GGA1: variants seen among roughly 807,000 people sequenced by gnomAD.
The protein encoded by GGA1 is ADP-ribosylation factor-binding protein GGA1.
In GGA1, 18 loss-of-function variants were observed where a neutral mutation model predicts 76.9. The ratio of observed to expected loss-of-function variants is 0.23; its 90% CI spans 0.16 to 0.35. The LOEUF (loss-of-function observed/expected upper bound fraction) is 0.35. Among genes scored for constraint, GGA1 ranks in the 10% least tolerant of loss-of-function variants. The pLI, the probability that GGA1 is intolerant of heterozygous loss-of-function variation, is 1.00. For missense variants in GGA1, 755 were observed against 859.0 expected, an observed-to-expected ratio of 0.88 and a Z score of 1.51; for synonymous variants, 342 against 354.7, an observed-to-expected ratio of 0.96 and a Z score of 0.40.
intron 1 of GGA1, chr22:37,612,841 T>G (rs1445877970): frequency 2.5e-6 from 2 of 789,722 alleles, no homozygotes; most frequent in African/African-American, 1.9e-5. Flanking sequence ...CAGGGAAGCA[T>G]GTAAGCTAGA....
chr22:37,619,589 G>A (rs1251017154), intron 4 of GGA1, among the ~76,000 whole-genome samples: 1 of 152,004 alleles, frequency 6.6e-6, no homozygotes, highest in Non-Finnish European at 1.5e-5. Context: ...TATTGGTCAG[G>A]CTGGTCTTGA....
At position 37,625,059 on chromosome 22, in the gene GGA1, C is replaced by A; in HGVS notation, c.923C>A (p.Thr308Lys). 1 of 1,595,754 alleles carries A rather than the reference C, an allele frequency of 6.3e-7. No homozygotes were observed. Among genetic ancestry groups the A allele is most frequent in the Non-Finnish European group, 8.5e-7 (1 of 1,171,752 alleles). The change falls in exon 10 of 17, where the codon ACA (threonine) becomes AAA (lysine). Residue 308 changes from threonine (T) to lysine (K), a missense_variant. Coordinates refer to ENST00000343632, the MANE Select transcript of GGA1 (RefSeq NM_013365.5). The surrounding 1 kb of genome is among the most constrained non-coding windows in gnomAD (Gnocchi z 4.1). ...GGTGAGGAGGTCAACGGTGATGCCA[C>A]AGCCGGCTCCATCCCTGGTGAGGAG... Reference protein sequence around the residue: ...VRGEEVNGDATAGSIPGSTSA... With the variant: ...VRGEEVNGDAKAGSIPGSTSA...
intron 2 of GGA1, among the ~76,000 whole-genome samples, chr22:37,615,197 G>A (rs935760231): frequency 9.2e-5 from 14 of 152,302 alleles, no homozygotes; most frequent in African/African-American, 3.1e-4. Flanking sequence ...TGTAATCCCA[G>A]CACTTTGGGA....
rs769028814 is a variant in GGA1 at position 37,620,349 on chromosome 22, C to G, written c.415C>G (p.Leu139Val). The change falls in exon 5 of 17, where the codon CTA becomes GTA. Residue 139 changes from leucine (L) to valine (V), a missense_variant. Physicochemically the swap from Leu to Val is conservative, Grantham distance 32. Transcript: ENST00000343632. ...EVKIAEAYQMLKKQGIVKSDP... is the reference protein window; with the variant it reads ...EVKIAEAYQMVKKQGIVKSDP... Reference sequence around the variant, plus strand: ...GAAAATCGCAGAGGCCTACCAGATGCTAAAGAAGCAGGGTGAGGCACACAG... The same window carrying G: ...GAAAATCGCAGAGGCCTACCAGATGGTAAAGAAGCAGGGTGAGGCACACAG... The G allele has an allele frequency of 1.2e-6, 2 of 1,613,990 alleles. No homozygotes were observed. The highest frequency in any genetic ancestry group is 1.6e-4 in the Middle Eastern group (1 of 6,062).
At chr22:37,631,971 A>G (rs987515092) in intron 14 of GGA1, 25 bp from the exon 15 acceptor site, 1 of 1,586,138 alleles carries the variant, frequency 6.3e-7, no homozygotes, top group African/African-American at 1.3e-5. Context: ...CAGCTGTCCC[A>G]TCGCCCTCCC....
chr22:37,616,266 A>C (rs1382425048), intron 2 of GGA1, among the ~76,000 whole-genome samples: 1 of 152,136 alleles, frequency 6.6e-6, no homozygotes, highest in Non-Finnish European at 1.5e-5. Context: ...TAGCTGAGTA[A>C]CCTTGGGTGA....
At chr22:37,618,611 C>G in intron 4 of GGA1, 65 bp downstream of exon 4, 1 of 1,012,280 alleles carries the variant, frequency 9.9e-7, no homozygotes, top group Non-Finnish European at 1.6e-6. Context: ...AGAGGACCTT[C>G]AGATTGTGGA....
chr22:37,612,925 T>C, intron 1 of GGA1: 1 of 985,278 alleles, frequency 1.0e-6, no homozygotes, highest in Non-Finnish European at 1.2e-6. Context: ...TGTAGACCTG[T>C]TGGCCCTCTT....
chr22:37,630,827 C>T, intron 13 of GGA1, 76 bp from the exon 14 acceptor site: 6 of 1,067,292 alleles, frequency 5.6e-6, no homozygotes, highest in Non-Finnish European at 8.4e-6. Context: ...CTCAGCCTCC[C>T]AAAGTGTTGG....
At position 37,623,477 on chromosome 22, in the gene GGA1, C is replaced by G; in HGVS notation, c.750+10C>G. ...CGAGGACCTCATGAAGGTGCACCTG[C>G]CTCCCTGCCTACCCCACTCCCTGCC... On this transcript the variant is annotated intron_variant, in intron 8 of 16. Transcript: ENST00000343632. The surrounding 1 kb of genome is among the most constrained non-coding windows in gnomAD (Gnocchi z 4.6). 1 of 1,613,762 alleles carries G rather than the reference C, an allele frequency of 6.2e-7. No homozygotes were observed. The highest frequency in any genetic ancestry group is 1.3e-5 in the African/African-American group (1 of 75,044).
At chr22:37,631,957 A>G (rs1242462458) in intron 14 of GGA1, 39 bp from the exon 15 acceptor site, 2 of 1,560,080 alleles carry the variant, frequency 1.3e-6, no homozygotes, top group Non-Finnish European at 1.7e-6. Context: ...GATGTGCTGC[A>G]GCTCAGCTGT....
Position 37,624,270 on chromosome 22 carries a change from C to G in GGA1, c.832+637C>G, listed in dbSNP as rs1007076570. On this transcript the variant is annotated intron_variant, in intron 9 of 16. Coordinates refer to ENST00000343632, the MANE Select transcript of GGA1 (RefSeq NM_013365.5). This position sits in a 1 kb window ranked among gnomAD's most constrained non-coding sequence, Gnocchi z 4.3. ...CCGAGGGCCTGATTGGTGCCAGGCA[C>G]TGTTCTAGGCCCTCAGGGATCTGGC... 1 of 158,426 alleles carries G rather than the reference C, an allele frequency of 6.3e-6. No individual in the cohort carries two copies. The highest frequency in any genetic ancestry group is 1.4e-5 in the Non-Finnish European group (1 of 71,142). 9.8% of individuals were successfully genotyped at this position (158,426 alleles called of 1,614,324 possible). A position where few individuals can be genotyped will look rare whatever the true frequency, so the allele number is the denominator to read the frequency against.
chr22:37,614,090 C>T, intron 1 of GGA1, 100 bp from the exon 2 acceptor site: 1 of 824,810 alleles, frequency 1.2e-6, no homozygotes, highest in Non-Finnish European at 2.1e-6. Flanking sequence ...TGCTCAGTCA[C>T]ACTCCTCTCC....
chr22:37,617,707 A>G (rs1929073183), intron 3 of GGA1: 17 of 674,622 alleles, frequency 2.5e-5, no homozygotes, highest in Non-Finnish European at 3.1e-5. Flanking sequence ...TCTAAATAAT[A>G]ATCATTATTG....
intron 1 of GGA1, chr22:37,609,187 G>C: frequency 7.2e-7 from 1 of 1,396,018 alleles, no homozygotes; most frequent in South Asian, 1.3e-5. Context: ...GGGACGGAGA[G>C]AGCAGCCTCC....
chr22:37,609,017 G>C (rs1926929659), intron 1 of GGA1, 114 bp downstream of exon 1: 1 of 1,369,504 alleles, frequency 7.3e-7, no homozygotes, highest in South Asian at 1.6e-5. Context: ...CCCCGCCCCC[G>C]GCCCGGGAGG....
At position 37,632,216 on chromosome 22, in the gene GGA1, A is replaced by G; in HGVS notation, c.1698+51A>G. ...GCCTCCCTCCTCTCAAGGCAGGGTG[A>G]CATGGAGCTGGGTGGGGAGCCACCT... On this transcript the variant is annotated intron_variant, in intron 15 of 16. Coordinates refer to ENST00000343632, the MANE Select transcript of GGA1 (RefSeq NM_013365.5). This position sits in a 1 kb window ranked among gnomAD's most constrained non-coding sequence, Gnocchi z 5.1. 6.4e-7 allele frequency: 1 copy of G among 1,559,054 alleles called. No homozygotes were observed. The highest frequency in any genetic ancestry group is 1.3e-5 in the African/African-American group (1 of 74,206).
chr22:37,625,829 C>G lies in GGA1; in HGVS notation c.973C>G (p.Leu325Val). The G allele has an allele frequency of 6.2e-7, 1 of 1,609,732 alleles. No homozygotes were observed. The highest frequency in any genetic ancestry group is 2.2e-5 in the East Asian group (1 of 44,796). The part of the protein sequence containing the change: ...STSALLDLSG[L>V]DLPPAGTTYP... ...CTCGGCCCTGCTGGATCTCTCAGGC[C>G]TGGATCTCCCGCCTGCGGGCACCAC... The change falls in exon 11 of 17, where the codon CTG becomes GTG. Residue 325 changes from leucine (L) to valine (V), a missense_variant. Transcript: ENST00000343632. This position sits in a 1 kb window ranked among gnomAD's most constrained non-coding sequence, Gnocchi z 4.1.
chr22:37,626,234 T>G, intron 11 of GGA1: 1 of 311,204 alleles, frequency 3.2e-6, no homozygotes. Context: ...ACCAGGGGAT[T>G]TCCCCGCAAC....
Sources: allele counts gnomAD v4.1 joint callset (sites outside exome capture counted in the v4.1 genomes callset), GRCh38; gene constraint gnomAD v4.1.1; non-coding constraint Gnocchi (gnomAD v3.1); transcripts MANE v1.5; gene names NCBI Gene and HGNC (gene_info 2026-07-23, HGNC 2026-07-21).